Variants in GNAO1 observed in about 807,000 individuals in gnomAD.
GNAO1 encodes the protein G protein subunit alpha o1, also known as guanine nucleotide-binding protein G(o) subunit alpha.
For missense variants in GNAO1, 166 were observed against 478.7 expected, an observed-to-expected ratio of 0.35 and a Z score of 6.10; for synonymous variants, 164 against 180.7, an observed-to-expected ratio of 0.91 and a Z score of 0.74.
intron 2 of GNAO1, among the ~76,000 whole-genome samples, chr16:56,254,387 T>A (rs2036827766): frequency 6.6e-6 from 1 of 152,194 alleles, no homozygotes; most frequent in African/African-American, 2.4e-5. Flanking sequence ...GTCATTAATG[T>A]CTTCATAAAA....
chr16:56,330,682 C>T (rs1300039777), intron 4 of GNAO1, among the ~76,000 whole-genome samples: 7 of 152,228 alleles, frequency 4.6e-5, no homozygotes, highest in African/African-American at 1.7e-4. Context: ...TTCCTTCCTT[C>T]CATCGCTCTC....
rs936807080 is a variant in GNAO1 at position 56,311,855 on chromosome 16, A to G, written c.304-16776A>G. The stretch of plus-strand genomic sequence containing the variant: ...TGCCACTCTGCCTCACCTGTGTTTT[A>G]GTTGACAGGAGTATTTGTCACCCTT... On this transcript the variant is annotated intron_variant, in intron 3 of 8. Transcript: ENST00000262493. The surrounding 1 kb of genome is among the most constrained non-coding windows in gnomAD (Gnocchi z 5.2). Among the ~76,000 whole-genome samples the G allele has an allele frequency of 6.6e-6, 1 of 152,156 alleles. No individual in the cohort carries two copies. The highest frequency in any genetic ancestry group is 2.4e-5 in the African/African-American group (1 of 41,442).
At chr16:56,340,482 G>T (rs1596875162) in intron 6 of GNAO1, 1 of 228,248 alleles carries the variant, frequency 4.4e-6, no homozygotes, top group East Asian at 9.2e-5. Context: ...GTTCGGTGGT[G>T]GTTGCGGCCC....
chr16:56,345,939 T>A, intron 6 of GNAO1: 8 of 985,354 alleles, frequency 8.1e-6, no homozygotes, highest in Non-Finnish European at 8.4e-6. Context: ...GCTCTCCATG[T>A]CCCCCAGCAG....
intron 2 of GNAO1, among the ~76,000 whole-genome samples, chr16:56,234,390 G>A (rs2036618063): frequency 6.6e-6 from 1 of 152,238 alleles, no homozygotes. Context: ...AGTTCAGACT[G>A]ATCTCCAAAG....
intron 3 of GNAO1, among the ~76,000 whole-genome samples, chr16:56,283,578 G>A (rs1015494463): frequency 1.4e-4 from 21 of 152,188 alleles, no homozygotes; most frequent in Non-Finnish European, 2.2e-4. Context: ...AGTGCAGTGC[G>A]GTTCACCTTG....
At chr16:56,265,909 C>G (rs2036947927) in intron 2 of GNAO1, among the ~76,000 whole-genome samples, 1 of 152,166 alleles carries the variant, frequency 6.6e-6, no homozygotes, top group Admixed American at 6.5e-5. Context: ...CTATCACTCA[C>G]TAGGTTCAAG....
At chr16:56,239,469 G>C (rs1317871194) in intron 2 of GNAO1, among the ~76,000 whole-genome samples, 3 of 152,180 alleles carry the variant, frequency 2.0e-5, no homozygotes, top group Admixed American at 2.0e-4. Flanking sequence ...TCCAAGGACA[G>C]AGAGGGTTCT....
chr16:56,309,557 G>T (rs1204526234), intron 3 of GNAO1, among the ~76,000 whole-genome samples: 5 of 152,234 alleles, frequency 3.3e-5, no homozygotes, highest in African/African-American at 1.2e-4. Flanking sequence ...GGGCTTGGAA[G>T]CCTGGACTCA....
chr16:56,234,326 C>T (rs1456429240), intron 2 of GNAO1, among the ~76,000 whole-genome samples: 5 of 152,246 alleles, frequency 3.3e-5, no homozygotes, highest in Admixed American at 1.3e-4. Context: ...TGGCCTTGGC[C>T]CTCTGGCCAG....
At chr16:56,269,731 G>A (rs550854387) in intron 2 of GNAO1, among the ~76,000 whole-genome samples, 23 of 152,196 alleles carry the variant, frequency 1.5e-4, no homozygotes, top group South Asian at 2.1e-4. Flanking sequence ...AATCTAGCTG[G>A]AGATGTAGTG....
intron 2 of GNAO1, among the ~76,000 whole-genome samples, chr16:56,228,204 G>A (rs185407519): frequency 9.2e-4 from 140 of 152,288 alleles, no homozygotes; most frequent in African/African-American, 3.3e-3. Flanking sequence ...TGTTCCAAGT[G>A]CAACCAGAAG....
At chr16:56,232,626 A>T (rs1159466668) in intron 2 of GNAO1, among the ~76,000 whole-genome samples, 1 of 152,228 alleles carries the variant, frequency 6.6e-6, no homozygotes, top group African/African-American at 2.4e-5. Context: ...TTGGCCTCTC[A>T]CAGAGCTGGT....
At chr16:56,221,666 A>G (rs898445741) in intron 2 of GNAO1, among the ~76,000 whole-genome samples, 1 of 151,786 alleles carries the variant, frequency 6.6e-6, no homozygotes, top group East Asian at 1.9e-4. Flanking sequence ...AAAAAAAAAA[A>G]AAAAAAAACA....
At chr16:56,293,801 G>T (rs1182096201) in intron 3 of GNAO1, among the ~76,000 whole-genome samples, 1 of 152,166 alleles carries the variant, frequency 6.6e-6, no homozygotes, top group Non-Finnish European at 1.5e-5. Flanking sequence ...GTTGCCTGGG[G>T]TGAAAAGGCT....
At chr16:56,220,443 A>G (rs1425958521) in intron 2 of GNAO1, among the ~76,000 whole-genome samples, 2 of 152,232 alleles carry the variant, frequency 1.3e-5, no homozygotes, top group African/African-American at 4.8e-5. Context: ...AAGCATTCAC[A>G]GCATTCTGGA....
chr16:56,267,463 C>T (rs192313037), intron 2 of GNAO1, among the ~76,000 whole-genome samples: 12 of 152,208 alleles, frequency 7.9e-5, no homozygotes, highest in East Asian at 3.9e-4. Context: ...ACACATTTCC[C>T]GAGCACTCTG....
In GNAO1 at chr16:56,276,078, C is replaced by A. The variant is rs1555504237; in HGVS notation, c.303+6C>A. The A allele has an allele frequency of 1.9e-6, 3 of 1,610,842 alleles. No homozygotes were observed. Among genetic ancestry groups the A allele is most frequent in the Non-Finnish European group, 2.5e-6 (3 of 1,178,242 alleles). On this transcript the variant is annotated splice_donor_region_variant and intron_variant, in intron 3 of 8. Transcript: ENST00000262493. The stretch of plus-strand genomic sequence containing the variant: ...ATGGTGATAAGGAGAGAAAGGTAGG[C>A]CCCTGAGCCCATAAGCACAGCAACA...
chr16:56,291,366 T>G (rs1234724471), intron 3 of GNAO1, among the ~76,000 whole-genome samples: 1 of 152,232 alleles, frequency 6.6e-6, no homozygotes, highest in Non-Finnish European at 1.5e-5. Context: ...ATTAATGATA[T>G]TGAGCATCTT....
Sources: gnomAD v4.1 joint callset for allele counts (sites outside exome capture counted in the v4.1 genomes callset) on GRCh38, gnomAD v4.1.1 for gene constraint, Gnocchi (gnomAD v3.1) non-coding constraint, MANE v1.5 for transcripts, NCBI Gene and HGNC (gene_info 2026-07-23, HGNC 2026-07-21) for gene names.